The following SCAPER variants were observed in gnomAD, a reference collection of about 807,000 sequenced individuals.
SCAPER encodes S phase cyclin A-associated protein in the endoplasmic reticulum.
A neutral mutation model predicts 182.2 loss-of-function variants in SCAPER; 98 were observed. The observed-to-expected ratio is 0.54, with a 90% CI of 0.46 to 0.64. The LOEUF is 0.64. Ranked by LOEUF, SCAPER falls within the 30% of genes least tolerant of loss-of-function variation. The pLI is 0.00. For missense variants in SCAPER, 1,432 were observed against 1,690.0 expected, an observed-to-expected ratio of 0.85 and a Z score of 2.68; for synonymous variants, 605 against 564.6, an observed-to-expected ratio of 1.07 and a Z score of -1.01.
intron 17 of SCAPER, among the ~76,000 whole-genome samples, chr15:76,712,376 C>G (rs933572348): frequency 6.6e-6 from 1 of 152,110 alleles, no homozygotes; most frequent in African/African-American, 2.4e-5. Context: ...TAGTGTGATG[C>G]CTCCAGCTTT....
chr15:76,551,259 C>G (rs1373136933), intron 23 of SCAPER, among the ~76,000 whole-genome samples: 3 of 152,032 alleles, frequency 2.0e-5, no homozygotes, highest in African/African-American at 7.3e-5. Context: ...ATTTGCACTC[C>G]TATGTTTATT....
rs555932691 is a variant in SCAPER at position 76,417,530 on chromosome 15, A to T, written c.3312-12851T>A. Among the ~76,000 whole-genome samples, 52 of 152,348 alleles carry T rather than the reference A, an allele frequency of 3.4e-4. 1 individual carries two copies. The South Asian group carries it at 0.011, about 31-fold the overall frequency. ...AGTAACTTAATAGGACATTGCTGTC[A>T]TTGATAAGGTCAGAGGACACAGGAA... is the stretch of plus-strand genomic sequence containing the variant. On this transcript the variant is annotated intron_variant, in intron 26 of 31. Coordinates refer to ENST00000563290, the MANE Select transcript of SCAPER (RefSeq NM_020843.4).
At chr15:76,804,464 T>C in intron 6 of SCAPER, 69 bp downstream of exon 6, 3 of 1,012,438 alleles carry the variant, frequency 3.0e-6, no homozygotes, top group Admixed American at 2.5e-5. Flanking sequence ...GTTAAGTTTA[T>C]TGTCCGTTTC....
intron 5 of SCAPER, among the ~76,000 whole-genome samples, chr15:76,814,400 T>C (rs536293747): frequency 2.0e-4 from 31 of 152,198 alleles, no homozygotes; most frequent in South Asian, 4.2e-4. Flanking sequence ...ATGACAGGCA[T>C]ACAGACAGAC....
chr15:76,681,920 A>T (rs11632765), intron 20 of SCAPER, among the ~76,000 whole-genome samples: 51,840 of 151,910 alleles, frequency 0.34, 9,125 homozygotes, highest in East Asian at 0.55. Context: ...TTTTAGCCTT[A>T]GAGTGATTGT....
chr15:76,795,283 T>G lies in SCAPER; in HGVS notation c.769A>C (p.Asn257His), dbSNP rs747305022. Reference protein sequence around the residue: ...PMTVQKASRKNERKDAEGWET... With the variant: ...PMTVQKASRKHERKDAEGWET... ...TGGCTAATTCGAAGTCACTTGCCAT[T>G]TTTGCGTGAGGCCTTCTGCACTGTC... Residue 257 changes from asparagine (N) to histidine (H), a missense_variant, in exon 8 of 32, where the codon AAT (asparagine) becomes CAT (histidine). Coordinates refer to ENST00000563290, the MANE Select transcript of SCAPER (RefSeq NM_020843.4). The G allele has an allele frequency of 5.6e-6, 9 of 1,607,468 alleles. No homozygotes were observed. The Admixed American group carries it at 1.0e-4, about 18-fold the overall frequency.
At chr15:76,794,100 C>T (rs1471105985) in intron 8 of SCAPER, among the ~76,000 whole-genome samples, 2 of 152,194 alleles carry the variant, frequency 1.3e-5, no homozygotes, top group East Asian at 1.9e-4. Context: ...AATGGCATAA[C>T]TCGCTGTGTA....
intron 29 of SCAPER, among the ~76,000 whole-genome samples, chr15:76,367,982 C>T (rs1459365043): frequency 6.6e-6 from 1 of 152,016 alleles, no homozygotes; most frequent in African/African-American, 2.4e-5. Flanking sequence ...AAAATGGTTG[C>T]ACTGCTGAAA....
chr15:76,890,667 C>T (rs1437419430), intron 1 of SCAPER, among the ~76,000 whole-genome samples: 2 of 152,116 alleles, frequency 1.3e-5, no homozygotes, highest in East Asian at 1.9e-4. Flanking sequence ...GAAATCGAGG[C>T]AATAATTAAG....
intron 22 of SCAPER, among the ~76,000 whole-genome samples, chr15:76,589,614 C>T (rs542656979): frequency 1.5e-3 from 231 of 152,268 alleles, no homozygotes; most frequent in South Asian, 2.7e-3. Context: ...ACCAGCCTCC[C>T]AGCTGAGAAA....
At chr15:76,396,136 C>T (rs1596418938) in intron 27 of SCAPER, among the ~76,000 whole-genome samples, 1 of 152,126 alleles carries the variant, frequency 6.6e-6, no homozygotes, top group East Asian at 1.9e-4. Flanking sequence ...AAAATGAGTT[C>T]ACTGTAGATG....
chr15:76,856,598 T>C (rs2071403139), intron 4 of SCAPER, among the ~76,000 whole-genome samples: 1 of 151,812 alleles, frequency 6.6e-6, no homozygotes, highest in African/African-American at 2.4e-5. Flanking sequence ...TGGGGGATTC[T>C]TTGTGAACTC....
At chr15:76,849,567 G>T (rs189300408) in intron 4 of SCAPER, among the ~76,000 whole-genome samples, 1 of 152,152 alleles carries the variant, frequency 6.6e-6, no homozygotes, top group African/African-American at 2.4e-5. Flanking sequence ...GCCTGGGAGC[G>T]TCAAGCCACA....
intron 4 of SCAPER, 98 bp downstream of exon 4, chr15:76,857,708 AAAT>A (rs1175815079): frequency 1.0e-4 from 81 of 781,954 alleles, no homozygotes; most frequent in Non-Finnish European, 1.5e-4. Flanking sequence ...TTATTTAGAT[AAAT>A]AATATTCAAA....
At chr15:76,396,036 T>A (rs1339977574) in intron 27 of SCAPER, among the ~76,000 whole-genome samples, 1 of 152,218 alleles carries the variant, frequency 6.6e-6, no homozygotes, top group African/African-American at 2.4e-5. Flanking sequence ...AGGGGTCTAG[T>A]TTCATTCTTC....
At chr15:76,419,175 T>C (rs2045850989) in intron 26 of SCAPER, among the ~76,000 whole-genome samples, 1 of 151,826 alleles carries the variant, frequency 6.6e-6, no homozygotes, top group Non-Finnish European at 1.5e-5. Context: ...CTAAGTCCAC[T>C]CAGAACCAAA....
At chr15:76,427,614 G>T (rs416812) in intron 26 of SCAPER, among the ~76,000 whole-genome samples, 2 of 152,124 alleles carry the variant, frequency 1.3e-5, no homozygotes, top group Non-Finnish European at 2.9e-5. Context: ...GGGAGGCTGA[G>T]GTGGGAGGAC....
chr15:76,466,176 C>T (rs1470408105), intron 25 of SCAPER, among the ~76,000 whole-genome samples: 1 of 151,978 alleles, frequency 6.6e-6, no homozygotes, highest in African/African-American at 2.4e-5. Context: ...TTTCTCTCTT[C>T]TTCTTGTGAA....
rs1242036415 is a variant in SCAPER, at chr15:76,354,709, A to G, written c.3856-569T>C. 1.3e-5 allele frequency: 2 copies of G among 152,300 alleles called. No homozygotes were observed. The highest frequency in any genetic ancestry group is 6.5e-5 in the Admixed American group (1 of 15,284). 9.4% of individuals were successfully genotyped at this position (152,300 alleles called of 1,614,324 possible). Reference sequence around the variant, plus strand: ...ACCTTTCCTCCAATCTATACTTCTTATCTTTGTTTCCATCAGTGCCACTGA... The same window carrying G: ...ACCTTTCCTCCAATCTATACTTCTTGTCTTTGTTTCCATCAGTGCCACTGA... On this transcript the variant is annotated intron_variant, in intron 29 of 31. Coordinates refer to ENST00000563290, the MANE Select transcript of SCAPER (RefSeq NM_020843.4). This position sits in a 1 kb window ranked among gnomAD's most constrained non-coding sequence, Gnocchi z 4.4.
Sources: gnomAD v4.1 joint callset for allele counts (sites outside exome capture counted in the v4.1 genomes callset) on GRCh38, gnomAD v4.1.1 for gene constraint, Gnocchi (gnomAD v3.1) non-coding constraint, MANE v1.5 for transcripts, NCBI Gene and HGNC (gene_info 2026-07-23, HGNC 2026-07-21) for gene names.